The following SSH2 variants were observed in gnomAD, a reference collection of about 807,000 sequenced individuals.
The protein encoded by SSH2 is slingshot protein phosphatase 2, also known as protein phosphatase Slingshot homolog 2.
A neutral mutation model predicts 135.2 loss-of-function variants in SSH2; 37 were observed. The ratio of observed to expected loss-of-function variants is 0.27; its 90% CI spans 0.21 to 0.36. The LOEUF (loss-of-function observed/expected upper bound fraction) is 0.36. SSH2 is among the 10% of genes least tolerant of loss of function. The pLI is 1.00. For synonymous variants in SSH2, 628 were observed against 646.2 expected (o/e 0.97, Z 0.43); for missense variants, 1,408 against 1,765.3 (o/e 0.80, Z 3.63).
chr17:29,759,788 C>G, intron 3 of SSH2, among the ~76,000 whole-genome samples: 1 of 152,204 alleles, frequency 6.6e-6, no homozygotes, highest in Middle Eastern at 3.2e-3. Flanking sequence ...ACTATATGTA[C>G]ATACCACATT....
chr17:29,711,102 C>A (rs1400795004), intron 3 of SSH2, among the ~76,000 whole-genome samples: 1 of 152,144 alleles, frequency 6.6e-6, no homozygotes, highest in Non-Finnish European at 1.5e-5. Flanking sequence ...CATGAGTAAA[C>A]CAATTACCGG....
intron 3 of SSH2, among the ~76,000 whole-genome samples, chr17:29,778,835 CAAAAAAAAAAAAAAAAAAA>C (rs60595591): frequency 2.6e-5 from 1 of 37,846 alleles, no homozygotes; most frequent in Non-Finnish European, 4.4e-5. Context: ...CTCCGTCTCC[CAAAAAAAAAAAAAAAAAAA>C]AAAAAAAAAA....
intron 3 of SSH2, among the ~76,000 whole-genome samples, chr17:29,760,318 T>G (rs1456134821): frequency 6.6e-6 from 1 of 152,164 alleles, no homozygotes; most frequent in Non-Finnish European, 1.5e-5. Flanking sequence ...TGAAGCCACT[T>G]GGAATGAGTG....
chr17:29,792,501 A>G (rs2042086943), intron 3 of SSH2, among the ~76,000 whole-genome samples: 1 of 152,164 alleles, frequency 6.6e-6, no homozygotes, highest in South Asian at 2.1e-4. Flanking sequence ...TTGCTAAGAG[A>G]CACGAGAAAT....
chr17:29,779,711 G>T (rs1316330582), intron 3 of SSH2, among the ~76,000 whole-genome samples: 1 of 150,230 alleles, frequency 6.7e-6, no homozygotes, highest in African/African-American at 2.4e-5. Context: ...CCAGCTACTT[G>T]GGGGGCTGAG....
chr17:29,690,267 T>A (rs1567881781), intron 5 of SSH2, among the ~76,000 whole-genome samples: 1 of 151,516 alleles, frequency 6.6e-6, no homozygotes, highest in Non-Finnish European at 1.5e-5. Flanking sequence ...TAGCCAGGCG[T>A]GGTGGCGCAT....
chr17:29,866,102 CAA>C (rs34216701), intron 1 of SSH2: 130 of 113,652 alleles, frequency 1.1e-3, no homozygotes, highest in Non-Finnish European at 1.1e-3. Flanking sequence ...AACTCCATCT[CAA>C]AAAAAAAAAA....
chr17:29,905,779 CTCAGGACT>C (rs2066642819), intron 1 of SSH2, among the ~76,000 whole-genome samples: 1 of 152,176 alleles, frequency 6.6e-6, no homozygotes, highest in Non-Finnish European at 1.5e-5. Context: ...TGGTGCCTTT[CTCAGGACT>C]GCCCATGGGC....
intron 3 of SSH2, among the ~76,000 whole-genome samples, chr17:29,729,805 C>A (rs1020870073): frequency 6.6e-6 from 1 of 151,914 alleles, no homozygotes; most frequent in African/African-American, 2.4e-5. Flanking sequence ...TTCACATATT[C>A]TCACTTATTT....
At chr17:29,731,942 A>G (rs1416121352) in intron 3 of SSH2, among the ~76,000 whole-genome samples, 1 of 152,072 alleles carries the variant, frequency 6.6e-6, no homozygotes, top group Non-Finnish European at 1.5e-5. Context: ...CCACAACCCC[A>G]GTGCTGGTCA....
intron 1 of SSH2, among the ~76,000 whole-genome samples, chr17:29,857,285 T>C (rs1414520590): frequency 6.6e-6 from 1 of 152,178 alleles, no homozygotes; most frequent in Non-Finnish European, 1.5e-5. Flanking sequence ...ACATCTTACA[T>C]GGATGGCAGC....
chr17:29,872,718 C>T (rs192326220), intron 1 of SSH2, among the ~76,000 whole-genome samples: 3 of 152,194 alleles, frequency 2.0e-5, no homozygotes, highest in South Asian at 2.1e-4. Flanking sequence ...TTCTGGGGGC[C>T]GGGTGGGGTG....
intron 2 of SSH2, among the ~76,000 whole-genome samples, chr17:29,809,143 A>C (rs1229993027): frequency 2.6e-5 from 4 of 152,152 alleles, no homozygotes; most frequent in Non-Finnish European, 5.9e-5. Flanking sequence ...AGTCCCAGCT[A>C]CTCAGGAAGT....
chr17:29,702,878 TG>T, intron 4 of SSH2, 80 bp downstream of exon 4: 1 of 1,077,208 alleles, frequency 9.3e-7, no homozygotes, highest in Non-Finnish European at 1.4e-6. Context: ...TCTGAAGAGA[TG>T]GGGATGAGGT....
chr17:29,915,559 C>T (rs903572658), intron 1 of SSH2, among the ~76,000 whole-genome samples: 4 of 152,016 alleles, frequency 2.6e-5, no homozygotes, highest in African/African-American at 9.7e-5. Context: ...CTAAAGTGAC[C>T]ACTTGCAACG....
chr17:29,663,080 T>C (rs1021288085), intron 11 of SSH2, among the ~76,000 whole-genome samples: 6 of 151,920 alleles, frequency 3.9e-5, no homozygotes, highest in African/African-American at 1.5e-4. Context: ...AGAATCTCTT[T>C]TTCTAGAAAC....
chr17:29,727,244 G>T (rs1448926222), intron 3 of SSH2, among the ~76,000 whole-genome samples: 3 of 152,150 alleles, frequency 2.0e-5, no homozygotes, highest in Non-Finnish European at 2.9e-5. Context: ...TCAGTTTCCT[G>T]AACACAGTAA....
At chr17:29,782,721 G>C (rs1020256869) in intron 3 of SSH2, among the ~76,000 whole-genome samples, 2 of 152,178 alleles carry the variant, frequency 1.3e-5, no homozygotes, top group Non-Finnish European at 2.9e-5. Context: ...AAGTAGCTGG[G>C]ATTACAGGCA....
intron 4 of SSH2, among the ~76,000 whole-genome samples, chr17:29,697,510 T>C (rs1373435905): frequency 6.6e-6 from 1 of 152,204 alleles, no homozygotes; most frequent in Admixed American, 6.6e-5. Context: ...TCTCCCTCTT[T>C]CCTTCTCATA....
Sources: gnomAD v4.1 joint callset for allele counts (sites outside exome capture counted in the v4.1 genomes callset) on GRCh38, gnomAD v4.1.1 for gene constraint, MANE v1.5 for transcripts, NCBI Gene and HGNC (gene_info 2026-07-23, HGNC 2026-07-21) for gene names.